CTNNA3: variants seen among roughly 807,000 people sequenced by gnomAD.
CTNNA3 encodes the protein catenin alpha 3, also known as catenin alpha-3.
Under a neutral mutation model 95.7 loss-of-function variants are expected in CTNNA3, and 76 were observed. The ratio of observed to expected loss-of-function variants is 0.79; its 90% CI spans 0.66 to 0.96. CTNNA3 has a LOEUF of 0.96. CTNNA3 is among the 40% of genes least tolerant of loss of function. The pLI, the probability that CTNNA3 is intolerant of heterozygous loss-of-function variation, is 0.00. For missense variants in CTNNA3, 1,191 were observed against 1,089.8 expected (o/e 1.09, Z -1.31); for synonymous variants, 431 against 374.4 (o/e 1.15, Z -1.74).
chr10:67,067,399 T>A (rs1323060404), intron 7 of CTNNA3, among the ~76,000 whole-genome samples: 1 of 152,198 alleles, frequency 6.6e-6, no homozygotes, highest in Non-Finnish European at 1.5e-5. Flanking sequence ...TCGTATTCAC[T>A]TTTTCCCTTA....
chr10:67,197,900 G>T (rs1589851677), intron 6 of CTNNA3, among the ~76,000 whole-genome samples: 2 of 152,160 alleles, frequency 1.3e-5, no homozygotes, highest in Admixed American at 1.3e-4. Context: ...TCATTTTGGA[G>T]TCTACATAAA....
intron 5 of CTNNA3, among the ~76,000 whole-genome samples, chr10:67,454,124 A>G (rs962838547): frequency 6.6e-6 from 1 of 152,190 alleles, no homozygotes; most frequent in African/African-American, 2.4e-5. Context: ...TCACTATATT[A>G]GAGATGAATA....
In CTNNA3 at chr10:65,914,272, A is replaced by T. The variant is rs2076980712; in HGVS notation, c.*6058T>A. 1 of 152,146 alleles carries T rather than the reference A, an allele frequency of 6.6e-6. No individual in the cohort carries two copies. Among genetic ancestry groups the T allele is most frequent in the Non-Finnish European group, 1.5e-5 (1 of 68,024 alleles). The allele number at this position is 152,146 out of a possible 1,614,324, so 9.4% of individuals were successfully genotyped here. On this transcript the variant is annotated 3_prime_UTR_variant, in exon 18 of 18. Transcript: ENST00000433211. ...GAATAGGCACCATCATGACTACCAG[A>T]TACATAAAAGTGAAGATCCCCAATA...
intron 7 of CTNNA3, among the ~76,000 whole-genome samples, chr10:66,802,830 C>A (rs113288474): frequency 1.3e-5 from 2 of 151,570 alleles, no homozygotes; most frequent in Admixed American, 1.3e-4. Context: ...GATATAGCCA[C>A]GAATGTGGAG....
chr10:67,135,773 A>C (rs1389981074), intron 7 of CTNNA3, among the ~76,000 whole-genome samples: 1 of 152,216 alleles, frequency 6.6e-6, no homozygotes, highest in Non-Finnish European at 1.5e-5. Flanking sequence ...GCATTGATTT[A>C]AATCTCACAC....
At chr10:66,571,849 G>A (rs948149122) in intron 10 of CTNNA3, among the ~76,000 whole-genome samples, 2 of 152,106 alleles carry the variant, frequency 1.3e-5, no homozygotes, top group Non-Finnish European at 1.5e-5. Flanking sequence ...TCACGTCACA[G>A]ATGAAGCCGC....
At chr10:66,652,359 A>G (rs1382247955) in intron 9 of CTNNA3, among the ~76,000 whole-genome samples, 4 of 152,266 alleles carry the variant, frequency 2.6e-5, no homozygotes, top group Middle Eastern at 3.4e-3. Context: ...AGACACTATT[A>G]TGAATAATTA....
chr10:67,673,675 G>A lies in CTNNA3; in HGVS notation c.-6+22325C>T, dbSNP rs577141904. ...TGCTGGATTACATTTATTGATTTGCGTATGTTGAACCAGCCTTGCATCCCA... is the reference window on the plus strand; with the variant it reads ...TGCTGGATTACATTTATTGATTTGCATATGTTGAACCAGCCTTGCATCCCA... On this transcript the variant is annotated intron_variant, in intron 1 of 17. Coordinates refer to ENST00000433211, the MANE Select transcript of CTNNA3 (RefSeq NM_013266.4). Among the ~76,000 whole-genome samples, 416 of 149,302 alleles carry A rather than the reference G, an allele frequency of 2.8e-3. 1 individual carries two copies. The highest frequency in any genetic ancestry group is 9.4e-3 in the African/African-American group (386 of 40,860).
intron 2 of CTNNA3, among the ~76,000 whole-genome samples, chr10:67,613,617 C>T (rs895822977): frequency 1.3e-5 from 2 of 148,952 alleles, no homozygotes; most frequent in Non-Finnish European, 2.9e-5. Context: ...ATATTATATC[C>T]AGTCTTTTTT....
chr10:66,894,925 G>A (rs1845416657), intron 7 of CTNNA3, among the ~76,000 whole-genome samples: 1 of 151,196 alleles, frequency 6.6e-6, no homozygotes, highest in Non-Finnish European at 1.5e-5. Flanking sequence ...CGTTTCATTT[G>A]CAAGAAGTTT....
chr10:67,383,526 G>A (rs539510610), intron 5 of CTNNA3, among the ~76,000 whole-genome samples: 5 of 152,236 alleles, frequency 3.3e-5, no homozygotes, highest in African/African-American at 1.2e-4. Flanking sequence ...CTCACAACAA[G>A]TACTAACTTA....
intron 5 of CTNNA3, among the ~76,000 whole-genome samples, chr10:67,488,340 C>G (rs1700045895): frequency 6.6e-6 from 1 of 152,172 alleles, no homozygotes; most frequent in Non-Finnish European, 1.5e-5. Flanking sequence ...GGGCAAGACT[C>G]TATGGGTCAG....
intron 3 of CTNNA3, among the ~76,000 whole-genome samples, chr10:67,551,230 C>T (rs985950677): frequency 6.6e-6 from 1 of 151,940 alleles, no homozygotes; most frequent in African/African-American, 2.4e-5. Context: ...ATTGAGAGGG[C>T]GTCGAGAGGA....
At chr10:67,385,853 A>G (rs1446967713) in intron 5 of CTNNA3, among the ~76,000 whole-genome samples, 1 of 151,414 alleles carries the variant, frequency 6.6e-6, no homozygotes. Context: ...AAAAAAAAAA[A>G]CCTGGGGAGT....
intron 10 of CTNNA3, among the ~76,000 whole-genome samples, chr10:66,584,074 T>C (rs1399419020): frequency 6.6e-6 from 1 of 151,848 alleles, no homozygotes; most frequent in East Asian, 1.9e-4. Context: ...TTTAAAAATT[T>C]ATTGAACTTA....
intron 15 of CTNNA3, among the ~76,000 whole-genome samples, chr10:66,057,470 T>C (rs2080109997): frequency 6.6e-6 from 1 of 152,218 alleles, no homozygotes; most frequent in South Asian, 2.1e-4. Flanking sequence ...TTATTTAAGC[T>C]GAATGTTTGC....
chr10:66,535,338 T>C (rs1393093903), intron 10 of CTNNA3, among the ~76,000 whole-genome samples: 2 of 152,180 alleles, frequency 1.3e-5, no homozygotes, highest in African/African-American at 2.4e-5. Context: ...AGCTGTAACA[T>C]GCCGTGTAAG....
chr10:66,518,363 T>C (rs979648252), intron 11 of CTNNA3, among the ~76,000 whole-genome samples: 2 of 152,116 alleles, frequency 1.3e-5, no homozygotes, highest in African/African-American at 4.8e-5. Flanking sequence ...CTATGTGCTG[T>C]CAGTATTACT....
chr10:66,143,950 A>C, intron 13 of CTNNA3, among the ~76,000 whole-genome samples: 1 of 152,350 alleles, frequency 6.6e-6, no homozygotes, highest in Admixed American at 6.5e-5. Context: ...TAATAACTCA[A>C]TTATAAGTTT....
Sources: allele counts gnomAD v4.1 joint callset (sites outside exome capture counted in the v4.1 genomes callset), GRCh38; gene constraint gnomAD v4.1.1; transcripts MANE v1.5; gene names NCBI Gene and HGNC (gene_info 2026-07-23, HGNC 2026-07-21).